The following DNAJC1 variants were observed in gnomAD, a reference collection of about 807,000 sequenced individuals.
DNAJC1 encodes the protein dnaJ homolog subfamily C member 1.
DNAJC1 carries 58 observed loss-of-function variants against 76.6 expected under a neutral mutation model. The observed-to-expected ratio is 0.76, with a 90% confidence interval of 0.61 to 0.94. The LOEUF is 0.94. Ranked by LOEUF, DNAJC1 falls within the 40% of genes least tolerant of loss-of-function variation. The pLI is 0.00. For synonymous variants in DNAJC1, 258 were observed against 267.9 expected (o/e 0.96, Z 0.36); for missense variants, 689 against 677.3 (o/e 1.02, Z -0.19).
chr10:21,873,147 C>A (rs886288797), intron 8 of DNAJC1, among the ~76,000 whole-genome samples: 2 of 152,068 alleles, frequency 1.3e-5, no homozygotes, highest in African/African-American at 2.4e-5. Flanking sequence ...CACGTGGACC[C>A]CCTTAGAGTT....
At chr10:21,761,388 T>C (rs933498077) in intron 10 of DNAJC1, among the ~76,000 whole-genome samples, 3 of 151,900 alleles carry the variant, frequency 2.0e-5, no homozygotes, top group African/African-American at 4.8e-5. Context: ...GGTGAAACCC[T>C]GTCTCTACAA....
At chr10:21,888,931 T>G (rs1324839552) in intron 7 of DNAJC1, among the ~76,000 whole-genome samples, 1 of 152,204 alleles carries the variant, frequency 6.6e-6, no homozygotes, top group African/African-American at 2.4e-5. Context: ...TCTAAACTTT[T>G]AGGTTCACAT....
intron 6 of DNAJC1, among the ~76,000 whole-genome samples, chr10:21,911,528 A>G (rs923026787): frequency 1.3e-5 from 2 of 152,284 alleles, no homozygotes; most frequent in East Asian, 3.9e-4. Context: ...TAAAAATAAA[A>G]CAGAAAACCA....
intron 1 of DNAJC1, among the ~76,000 whole-genome samples, chr10:21,974,628 T>G (rs1838033072): frequency 6.6e-6 from 1 of 152,218 alleles, no homozygotes; most frequent in African/African-American, 2.4e-5. Context: ...CATTCTATTC[T>G]GAAAAGTACA....
chr10:21,837,077 G>T (rs548200893), intron 8 of DNAJC1, among the ~76,000 whole-genome samples: 129 of 152,348 alleles, frequency 8.5e-4, no homozygotes, highest in African/African-American at 2.9e-3. Flanking sequence ...CGCCTGACTG[G>T]TATTCGTATT....
chr10:21,949,060 A>C (rs1046608819), intron 1 of DNAJC1, among the ~76,000 whole-genome samples: 1 of 152,232 alleles, frequency 6.6e-6, no homozygotes, highest in African/African-American at 2.4e-5. Context: ...AAGTTTAAAA[A>C]TCTGTATGTA....
intron 8 of DNAJC1, among the ~76,000 whole-genome samples, chr10:21,821,559 C>A (rs1162228635): frequency 6.6e-6 from 1 of 151,952 alleles, no homozygotes; most frequent in African/African-American, 2.4e-5. Flanking sequence ...GGGAAGCCTA[C>A]CAGGCCACTT....
Position 21,944,216 on chromosome 10 carries a change from T to C in DNAJC1, c.223-15075A>G, listed in dbSNP as rs1462318803. ...CCTCCAATTTTAATAAGCAGATTTTTACAGCATGTAAAAAGACTGATAAAT... is the reference window on the plus strand; with the variant it reads ...CCTCCAATTTTAATAAGCAGATTTTCACAGCATGTAAAAAGACTGATAAAT... On this transcript the variant is annotated intron_variant, in intron 1 of 11. Transcript: ENST00000376980. Among the ~76,000 whole-genome samples, 4 of 152,208 alleles carry C rather than the reference T, an allele frequency of 2.6e-5. No individual in the cohort carries two copies. The East Asian group carries it at 7.7e-4, about 29-fold the overall frequency.
At chr10:21,909,122 A>G (rs1836811037) in intron 6 of DNAJC1, among the ~76,000 whole-genome samples, 1 of 152,232 alleles carries the variant, frequency 6.6e-6, no homozygotes, top group African/African-American at 2.4e-5. Flanking sequence ...TCCTGGCCTC[A>G]GGTGATCTGC....
intron 8 of DNAJC1, among the ~76,000 whole-genome samples, chr10:21,852,746 C>G (rs894637221): frequency 6.6e-6 from 1 of 150,558 alleles, no homozygotes; most frequent in Non-Finnish European, 1.5e-5. Context: ...ATTGAACTAA[C>G]GAAGTACCCA....
intron 8 of DNAJC1, among the ~76,000 whole-genome samples, chr10:21,813,092 C>CATATATATATATATATATATAT: frequency 1.4e-5 from 1 of 72,244 alleles, no homozygotes; most frequent in African/African-American, 5.4e-5. Flanking sequence ...TATATACACA[C>CATATATATATATATATATATAT]ACACATATAT....
chr10:21,767,068 G>A (rs1834309658), intron 9 of DNAJC1, among the ~76,000 whole-genome samples: 1 of 151,652 alleles, frequency 6.6e-6, no homozygotes. Context: ...CTTCACTGGA[G>A]AATATTCTAC....
rs1459797183 is a variant in DNAJC1, at chr10:21,831,782, T to A, written c.979-25683A>T. 4.1e-5 allele frequency among the ~76,000 whole-genome samples: 4 copies of A among 98,762 alleles called. No homozygotes were observed. In the East Asian group the frequency reaches 1.4e-3, roughly 35 times the overall value. 64.8% of individuals were successfully genotyped at this position (98,762 alleles called of 152,430 possible). A position where few individuals can be genotyped will look rare whatever the true frequency, so the allele number is the denominator to read the frequency against. Reference sequence around the variant, plus strand: ...TCCAGCCTGGGCGACAGAGCGAGACTCCATCTCAAAAAAAAAAAAAAAAAA... The same window carrying A: ...TCCAGCCTGGGCGACAGAGCGAGACACCATCTCAAAAAAAAAAAAAAAAAA... On this transcript the variant is annotated intron_variant, in intron 8 of 11. Transcript: ENST00000376980.
At position 21,759,242 on chromosome 10, in the gene DNAJC1, C is replaced by T. The variant is rs151171340; in HGVS notation, c.1524G>A (p.Ala508=). 1.1e-4 allele frequency: 171 copies of T among 1,614,082 alleles called. No homozygotes were observed. Among genetic ancestry groups the T allele is most frequent in the Non-Finnish European group, 1.3e-4 (152 of 1,180,048 alleles). Residue 508 remains alanine (A), a synonymous_variant, in exon 11 of 12, where the codon GCG becomes GCA. Transcript: ENST00000376980. ...AGGATCCCCTTGGGTACTGCTGCAACGCCAGTTCCAGAAGTTTCTGTTGAT... is the reference window on the plus strand; with the variant it reads ...AGGATCCCCTTGGGTACTGCTGCAATGCCAGTTCCAGAAGTTTCTGTTGAT... The part of the protein sequence containing the change: ...TQNQQKLLEL[A]LQQYPRGSSD...
intron 1 of DNAJC1, among the ~76,000 whole-genome samples, chr10:21,958,298 A>G (rs898272034): frequency 4.6e-5 from 7 of 152,214 alleles, no homozygotes; most frequent in African/African-American, 1.4e-4. Flanking sequence ...TTTACAAACC[A>G]TAAGAGTCAC....
intron 8 of DNAJC1, among the ~76,000 whole-genome samples, chr10:21,811,978 A>G (rs1000825731): frequency 1.6e-4 from 25 of 152,144 alleles, no homozygotes; most frequent in Non-Finnish European, 7.4e-5. Context: ...TGACATGGTC[A>G]GTTGTTTTAA....
chr10:22,003,455 C>T lies in DNAJC1; in HGVS notation c.-21G>A. On this transcript the variant is annotated 5_prime_UTR_variant, in exon 1 of 12. Transcript: ENST00000376980. ...GTCATCGCGCTGGGCTCGGAAAGGT[C>T]ACCCGCCGCGCAGCTCCGTTGGCCG... The T allele has an allele frequency of 7.4e-7, 1 of 1,346,686 alleles. No individual in the cohort carries two copies. The highest frequency in any genetic ancestry group is 9.5e-7 in the Non-Finnish European group (1 of 1,055,452). 83.4% of individuals were successfully genotyped at this position (1,346,686 alleles called of 1,614,324 possible).
intron 9 of DNAJC1, among the ~76,000 whole-genome samples, chr10:21,803,623 GTA>G (rs1279511130): frequency 7.9e-4 from 116 of 146,344 alleles, no homozygotes; most frequent in African/African-American, 2.0e-3. Context: ...GTGTGTGTGT[GTA>G]TGTATGTGTG....
chr10:21,937,831 G>A (rs947276141), intron 1 of DNAJC1, among the ~76,000 whole-genome samples: 6 of 152,042 alleles, frequency 3.9e-5, no homozygotes, highest in East Asian at 1.9e-4. Context: ...AAATTCACAC[G>A]TATGTGGAAA....
Sources: allele counts gnomAD v4.1 joint callset (sites outside exome capture counted in the v4.1 genomes callset), GRCh38; gene constraint gnomAD v4.1.1; transcripts MANE v1.5; gene names NCBI Gene and HGNC (gene_info 2026-07-23, HGNC 2026-07-21).